The following SLC1A1 variants were observed in gnomAD, a reference collection of about 807,000 sequenced individuals.
SLC1A1 encodes excitatory amino acid transporter 3.
A neutral mutation model predicts 53.3 loss-of-function variants in SLC1A1; 43 were observed. That is an observed-to-expected ratio of 0.81 (90% CI 0.63 to 1.04). SLC1A1 has a LOEUF of 1.04. Among genes scored for constraint, SLC1A1 ranks in the 50% least tolerant of loss-of-function variants. The probability of loss-of-function intolerance (pLI) is 0.00; values close to 1 mark genes in which losing one functional copy is unlikely to be tolerated. For synonymous variants in SLC1A1, 307 were observed against 243.2 expected, an observed-to-expected ratio of 1.26 and a Z score of -2.44; for missense variants, 748 against 664.9, an observed-to-expected ratio of 1.12 and a Z score of -1.37.
rs141026843 is a variant in SLC1A1, at chr9:4,585,811, A to G, written c.*253A>G. The G allele has an allele frequency of 8.7e-4, 443 of 509,830 alleles. 1 individual carries two copies. Among genetic ancestry groups the G allele is most frequent in the African/African-American group, 7.3e-3 (381 of 52,196 alleles). 31.6% of individuals were successfully genotyped at this position (509,830 alleles called of 1,614,324 possible). A position where few individuals can be genotyped will look rare whatever the true frequency, so the allele number is the denominator to read the frequency against. Reference sequence around the variant, plus strand: ...ATCTGGGTTTTAGAAATTCTATAAGAGACAAAGTTTGGAAGTACATAAAGT... The same window carrying G: ...ATCTGGGTTTTAGAAATTCTATAAGGGACAAAGTTTGGAAGTACATAAAGT... On this transcript the variant is annotated 3_prime_UTR_variant, in exon 12 of 12. Coordinates refer to ENST00000262352, the MANE Select transcript of SLC1A1 (RefSeq NM_004170.6).
chr9:4,526,418 T>A (rs1210986787), intron 1 of SLC1A1, among the ~76,000 whole-genome samples: 1 of 152,056 alleles, frequency 6.6e-6, no homozygotes, highest in African/African-American at 2.4e-5. Context: ...ACCATGTGAG[T>A]TAGATTTTTC....
At chr9:4,496,649 C>T (rs935238207) in intron 1 of SLC1A1, among the ~76,000 whole-genome samples, 1 of 151,224 alleles carries the variant, frequency 6.6e-6, no homozygotes. Context: ...AATCCCAGCA[C>T]TTTGGGAGGT....
intron 1 of SLC1A1, among the ~76,000 whole-genome samples, chr9:4,538,064 C>G (rs546938607): frequency 8.5e-5 from 13 of 152,130 alleles, no homozygotes; most frequent in African/African-American, 3.1e-4. Context: ...ATGTTTAGTT[C>G]AAGGCCTGAC....
chr9:4,530,890 T>C (rs1816442580), intron 1 of SLC1A1, among the ~76,000 whole-genome samples: 1 of 152,222 alleles, frequency 6.6e-6, no homozygotes, highest in Non-Finnish European at 1.5e-5. Flanking sequence ...CCTAAAAATG[T>C]ATGCTAATAT....
chr9:4,583,227 C>T lies in SLC1A1; in HGVS notation c.1328+55C>T. On this transcript the variant is annotated intron_variant, in intron 11 of 11. Transcript: ENST00000262352. This position sits in a 1 kb window ranked among gnomAD's most constrained non-coding sequence, Gnocchi z 4.6. ...TGGATGTGCAGGCGGGCTTCCCAGC[C>T]TCGCAGGCGCTGCAGTCTGTCATCA... The T allele has an allele frequency of 1.2e-6, 2 of 1,607,416 alleles. No homozygotes were observed. Among genetic ancestry groups the T allele is most frequent in the Non-Finnish European group, 1.7e-6 (2 of 1,174,292 alleles).
intron 9 of SLC1A1, 105 bp from the exon 10 acceptor site, chr9:4,576,464 C>G: frequency 1.1e-6 from 1 of 932,540 alleles, no homozygotes; most frequent in South Asian, 1.3e-5. Flanking sequence ...ACAAGATTAC[C>G]TAAAAGGACC....
At chr9:4,504,949 T>G (rs1820748991) in intron 1 of SLC1A1, among the ~76,000 whole-genome samples, 1 of 152,114 alleles carries the variant, frequency 6.6e-6, no homozygotes, top group Non-Finnish European at 1.5e-5. Flanking sequence ...AATATTTAAC[T>G]GTCATGAAAT....
intron 1 of SLC1A1, among the ~76,000 whole-genome samples, chr9:4,493,837 G>T (rs1820320718): frequency 6.6e-6 from 1 of 152,330 alleles, no homozygotes; most frequent in Non-Finnish European, 1.5e-5. Context: ...AAGAGGCAAA[G>T]ATTTTTATGA....
intron 1 of SLC1A1, among the ~76,000 whole-genome samples, chr9:4,503,422 C>G (rs10974581): frequency 0.059 from 8,936 of 151,822 alleles, 1,158 homozygotes; most frequent in African/African-American, 0.2. Flanking sequence ...TCCTCTCAGT[C>G]CATTGGTGGC....
chr9:4,546,164 G>A (rs1477611788), intron 2 of SLC1A1, among the ~76,000 whole-genome samples: 1 of 152,180 alleles, frequency 6.6e-6, no homozygotes, highest in Non-Finnish European at 1.5e-5. Context: ...ACTCGAATTA[G>A]ACTAGAGTCC....
chr9:4,566,071 C>G lies in SLC1A1; in HGVS notation c.465C>G (p.Val155=), dbSNP rs1819457924. ...LIRNMFPENL[V]QACFQQYKTK... is the part of the protein sequence containing the mutation. ...GGAATATGTTCCCTGAGAATCTTGT[C>G]CAGGCCTGTTTTCAGCAGGTAATAT... Residue 155 remains valine, a synonymous_variant, in exon 5 of 12, where the codon GTC becomes GTG. Transcript: ENST00000262352. 6.2e-7 allele frequency: 1 copy of G among 1,613,308 alleles called. No individual in the cohort carries two copies. The highest frequency in any genetic ancestry group is 8.5e-7 in the Non-Finnish European group (1 of 1,179,338).
At chr9:4,566,017 AC>A in intron 4 of SLC1A1, 29 bp from the exon 5 acceptor site, 1 of 1,593,434 alleles carries the variant, frequency 6.3e-7, no homozygotes, top group Non-Finnish European at 8.6e-7. Flanking sequence ...TTTTGCCCTA[AC>A]ATAATACTGC....
intron 1 of SLC1A1, among the ~76,000 whole-genome samples, chr9:4,531,670 G>C (rs574235305): frequency 1.3e-5 from 2 of 152,192 alleles, no homozygotes; most frequent in African/African-American, 2.4e-5. Context: ...ATCCTCTGCA[G>C]ACTTAAATGT....
chr9:4,535,506 G>A (rs1459797962), intron 1 of SLC1A1, among the ~76,000 whole-genome samples: 3 of 152,164 alleles, frequency 2.0e-5, no homozygotes, highest in Non-Finnish European at 2.9e-5. Context: ...TATAAGGGAT[G>A]TGAAGGACCT....
At chr9:4,544,402 T>C (rs941342303) in intron 1 of SLC1A1, among the ~76,000 whole-genome samples, 165 bp from the exon 2 acceptor site, 15 of 152,244 alleles carry the variant, frequency 9.9e-5, no homozygotes, top group Non-Finnish European at 2.9e-5. Context: ...GTTCACTGTC[T>C]TTTAAAATAT....
At chr9:4,517,572 C>A (rs1245433307) in intron 1 of SLC1A1, among the ~76,000 whole-genome samples, 1 of 150,470 alleles carries the variant, frequency 6.6e-6, no homozygotes, top group Non-Finnish European at 1.5e-5. Context: ...ACACTGGTCA[C>A]CTTCCCTCTT....
At chr9:4,584,149 G>A (rs1821373921) in intron 11 of SLC1A1, among the ~76,000 whole-genome samples, 1 of 152,212 alleles carries the variant, frequency 6.6e-6, no homozygotes, top group South Asian at 2.1e-4. Flanking sequence ...ACTGTAGTTT[G>A]CAGGTGACAG....
intron 1 of SLC1A1, among the ~76,000 whole-genome samples, chr9:4,532,212 G>T (rs1816498175): frequency 6.6e-6 from 1 of 152,164 alleles, no homozygotes. Flanking sequence ...GGGAGAATGA[G>T]AATGACGTTG....
At chr9:4,570,164 C>T (rs1286146672) in intron 6 of SLC1A1, among the ~76,000 whole-genome samples, 2 of 152,200 alleles carry the variant, frequency 1.3e-5, no homozygotes, top group African/African-American at 2.4e-5. Context: ...TCCCACTCTT[C>T]ATATGACGCT....
Sources: allele counts gnomAD v4.1 joint callset (sites outside exome capture counted in the v4.1 genomes callset), GRCh38; gene constraint gnomAD v4.1.1; non-coding constraint Gnocchi (gnomAD v3.1); transcripts MANE v1.5; gene names NCBI Gene and HGNC (gene_info 2026-07-23, HGNC 2026-07-21).